Variants in CASTOR2 observed in about 807,000 individuals in gnomAD.
CASTOR2 encodes GATS protein like 2.
A neutral mutation model predicts 31.2 loss-of-function variants in CASTOR2; 8 were observed. The ratio of observed to expected loss-of-function variants is 0.26; its 90% CI spans 0.15 to 0.46. The LOEUF (loss-of-function observed/expected upper bound fraction) is 0.46. Among genes scored for constraint, CASTOR2 ranks in the 20% least tolerant of loss-of-function variants. CASTOR2 has a pLI of 0.99. For synonymous variants in CASTOR2, 162 were observed against 158.7 expected, an observed-to-expected ratio of 1.02 and a Z score of -0.16; for missense variants, 216 against 382.1, an observed-to-expected ratio of 0.57 and a Z score of 3.62.
intron 2 of CASTOR2, among the ~76,000 whole-genome samples, chr7:75,012,696 T>A (rs1804782021): frequency 6.6e-6 from 1 of 150,950 alleles, no homozygotes; most frequent in South Asian, 2.1e-4. Context: ...TGGAGTGTAG[T>A]GGCATGATCT....
At position 75,026,970 on chromosome 7, in the gene CASTOR2, T is replaced by C. The variant is rs1646794967; in HGVS notation, c.*2271T>C. Among the ~76,000 whole-genome samples the C allele has an allele frequency of 6.6e-6, 1 of 152,220 alleles. No homozygotes were observed. The highest frequency in any genetic ancestry group is 1.5e-5 in the Non-Finnish European group (1 of 68,038). ...CCTGTGTTTTATGTTGATAGAGATATATACTGTAAATAGCATATATACTTG... is the reference window on the plus strand; with the variant it reads ...CCTGTGTTTTATGTTGATAGAGATACATACTGTAAATAGCATATATACTTG... On this transcript the variant is annotated 3_prime_UTR_variant, in exon 9 of 9. Coordinates refer to ENST00000616305, the MANE Select transcript of CASTOR2 (RefSeq NM_001145064.3).
intron 1 of CASTOR2, among the ~76,000 whole-genome samples, chr7:75,000,480 CT>C (rs1804468418): frequency 6.6e-6 from 1 of 152,076 alleles, no homozygotes; most frequent in Non-Finnish European, 1.5e-5. Context: ...CCCAAGTGGG[CT>C]GAGAAAGGAC....
intron 1 of CASTOR2, among the ~76,000 whole-genome samples, chr7:74,977,200 A>AC (rs1803835641): frequency 6.6e-6 from 1 of 150,694 alleles, no homozygotes; most frequent in African/African-American, 2.4e-5. Flanking sequence ...AAAAAAAAAA[A>AC]AAAACACCTT....
chr7:74,969,285 T>C (rs1209990051), intron 1 of CASTOR2, among the ~76,000 whole-genome samples: 2 of 117,600 alleles, frequency 1.7e-5, no homozygotes, highest in African/African-American at 3.6e-5. Context: ...CCTTTTCTTT[T>C]TTTTTTTTTT....
intron 2 of CASTOR2, among the ~76,000 whole-genome samples, chr7:75,014,417 T>TAAAAAAAAAAAAA (rs1804820089): frequency 3.7e-5 from 1 of 26,908 alleles, no homozygotes; most frequent in African/African-American, 2.4e-4. Context: ...CTACTAAAAA[T>TAAAAAAAAAAAAA]ACAAAAAAAA....
chr7:74,999,419 G>A (rs1417941860), intron 1 of CASTOR2, among the ~76,000 whole-genome samples: 1 of 151,864 alleles, frequency 6.6e-6, no homozygotes, highest in Non-Finnish European at 1.5e-5. Flanking sequence ...GCTTCTAGTT[G>A]CTAAGGACAG....
rs1805253087 is a variant in CASTOR2 at position 75,029,886 on chromosome 7, G to A, written c.*5187G>A. Among the ~76,000 whole-genome samples the A allele has an allele frequency of 1.3e-5, 2 of 152,296 alleles. No individual in the cohort carries two copies. Among genetic ancestry groups the A allele is most frequent in the South Asian group, 2.1e-4 (1 of 4,818 alleles). On this transcript the variant is annotated 3_prime_UTR_variant, in exon 9 of 9. Transcript: ENST00000616305. ...GGCCCATTCAAAGGAGGCCGGGCTC[G>A]GTGGCTTAGGCCTGTCATCCCAGCA... is the stretch of plus-strand genomic sequence containing the variant.
In CASTOR2 at chr7:75,031,323, C is replaced by T. The variant is rs1805298382; in HGVS notation, c.*6624C>T. On this transcript the variant is annotated 3_prime_UTR_variant, in exon 9 of 9. Transcript: ENST00000616305. ...ACCAGCAGCAGCAGCGGCGTTCCAT[C>T]GCTCCCAAGATCTGGGTGAAGGGGA... Among the ~76,000 whole-genome samples, 10 of 152,110 alleles carry T rather than the reference C, an allele frequency of 6.6e-5. No individual in the cohort carries two copies. In the South Asian group the frequency reaches 1.5e-3, roughly 22 times the overall value.
rs868947825 is a variant in CASTOR2 at position 74,995,257 on chromosome 7, A to C, written c.114-12737A>C. ...ATCCTATTTATTGCTAAGACTAAGA[A>C]GCCAAGTATGAAACCGACAGCTCAG... is the stretch of plus-strand genomic sequence containing the variant. On this transcript the variant is annotated intron_variant, in intron 1 of 8. Coordinates refer to ENST00000616305, the MANE Select transcript of CASTOR2 (RefSeq NM_001145064.3). 3.3e-5 allele frequency among the ~76,000 whole-genome samples: 5 copies of C among 152,104 alleles called. No individual in the cohort carries two copies. The South Asian group carries it at 1.0e-3, about 32-fold the overall frequency.
At position 75,020,577 on chromosome 7, in the gene CASTOR2, A is replaced by G. The variant is rs1176964425; in HGVS notation, c.746+428A>G. Among the ~76,000 whole-genome samples, 9 of 139,748 alleles carry G rather than the reference A, an allele frequency of 6.4e-5. No individual in the cohort carries two copies. The South Asian group carries it at 6.8e-4, about 11-fold the overall frequency. The allele number at this position is 139,748 out of a possible 152,430, so 91.7% of individuals were successfully genotyped here. A position where few individuals can be genotyped will look rare whatever the true frequency, so the allele number is the denominator to read the frequency against. On this transcript the variant is annotated intron_variant, in intron 6 of 8. Coordinates refer to ENST00000616305, the MANE Select transcript of CASTOR2 (RefSeq NM_001145064.3). ...ACTATCTCGGCTCACTGCAAGCTCC[A>G]CCTCCCGGGTTCATGCCATTCTCCT...
intron 1 of CASTOR2, among the ~76,000 whole-genome samples, chr7:74,985,468 C>G (rs1804039396): frequency 1.3e-5 from 2 of 150,104 alleles, no homozygotes; most frequent in South Asian, 4.2e-4. Flanking sequence ...GTAGTGCCAA[C>G]TATTCTGGAG....
At chr7:74,986,167 T>C (rs1356696430) in intron 1 of CASTOR2, among the ~76,000 whole-genome samples, 1 of 149,514 alleles carries the variant, frequency 6.7e-6, no homozygotes, top group Non-Finnish European at 1.5e-5. Context: ...TGACCTCAAG[T>C]GATCAGCCCT....
rs1804899251 is a variant in CASTOR2 at position 75,017,764 on chromosome 7, G to A, written c.351G>A (p.Leu117=). The change falls in exon 3 of 9, where the codon CTG becomes CTA. Residue 117 remains leucine (L), a synonymous_variant. Transcript: ENST00000616305. ...ACCAGAACATATCCGTGTTCATGCT[G>A]TCCACGTATCAGACAGACTTCATCC... The part of the protein sequence containing the change: ...LADQNISVFM[L]STYQTDFILV... 1 of 1,613,886 alleles carries A rather than the reference G, an allele frequency of 6.2e-7. No individual in the cohort carries two copies. Among genetic ancestry groups the A allele is most frequent in the Non-Finnish European group, 8.5e-7 (1 of 1,179,888 alleles).
At chr7:75,022,230 C>T (rs908797288) in intron 7 of CASTOR2, among the ~76,000 whole-genome samples, 5,766 of 152,204 alleles carry the variant, frequency 0.038, 161 homozygotes, top group Middle Eastern at 0.11. Context: ...AGCAGCTGGG[C>T]GCGGTGGCTC....
intron 1 of CASTOR2, among the ~76,000 whole-genome samples, chr7:74,980,593 C>G (rs1466161629): frequency 7.4e-6 from 1 of 134,350 alleles, no homozygotes; most frequent in Non-Finnish European, 1.5e-5. Flanking sequence ...GAGGTGCCCT[C>G]TACTTGATGC....
At position 75,024,871 on chromosome 7, in the gene CASTOR2, AG is replaced by A; in HGVS notation, c.*174del. The A allele has an allele frequency of 3.3e-6, 5 of 1,493,204 alleles. No individual in the cohort carries two copies. The highest frequency in any genetic ancestry group is 4.5e-6 in the Non-Finnish European group (5 of 1,102,978). The allele number at this position is 1,493,204 out of a possible 1,614,324, so 92.5% of individuals were successfully genotyped here. Reference sequence around the variant, plus strand: ...CCCTCCAGGGCAGGGGCCCACGCCAAGGCCTCTCCATGCCCTCCTGCCTTCC... The same window carrying A: ...CCCTCCAGGGCAGGGGCCCACGCCAAGCCTCTCCATGCCCTCCTGCCTTCC... On this transcript the variant is annotated 3_prime_UTR_variant, in exon 9 of 9. Coordinates refer to ENST00000616305, the MANE Select transcript of CASTOR2 (RefSeq NM_001145064.3).
At chr7:74,994,474 G>A (rs1328651653) in intron 1 of CASTOR2, among the ~76,000 whole-genome samples, 1 of 152,168 alleles carries the variant, frequency 6.6e-6, no homozygotes, top group Non-Finnish European at 1.5e-5. Flanking sequence ...CAACCGCCCG[G>A]GTGTGGTGGT....
At chr7:74,985,143 A>G (rs1804032900) in intron 1 of CASTOR2, among the ~76,000 whole-genome samples, 1 of 152,080 alleles carries the variant, frequency 6.6e-6, no homozygotes, top group African/African-American at 2.4e-5. Context: ...TCTCAATAAA[A>G]AAGAACCACT....
intron 2 of CASTOR2, among the ~76,000 whole-genome samples, chr7:75,009,333 G>A (rs1804678488): frequency 8.3e-6 from 1 of 119,948 alleles, no homozygotes; most frequent in South Asian, 2.8e-4. Flanking sequence ...GCAGTGGTGT[G>A]ATCTCAGCAC....
Sources: gnomAD v4.1 joint callset for allele counts (sites outside exome capture counted in the v4.1 genomes callset) on GRCh38, gnomAD v4.1.1 for gene constraint, MANE v1.5 for transcripts, NCBI Gene and HGNC (gene_info 2026-07-23, HGNC 2026-07-21) for gene names.